The following TTC7A variants were observed in gnomAD, a reference collection of about 807,000 sequenced individuals.
TTC7A encodes tetratricopeptide repeat protein 7A.
A neutral mutation model predicts 103.7 loss-of-function variants in TTC7A; 110 were observed. The ratio of observed to expected loss-of-function variants is 1.06; its 90% CI spans 0.91 to 1.24. The LOEUF is 1.24. Ranked by LOEUF, TTC7A falls within the 50% of genes most tolerant of loss-of-function variation. TTC7A has a pLI of 0.00. For synonymous variants in TTC7A, 521 were observed against 467.9 expected (o/e 1.11, Z -1.47); for missense variants, 1,340 against 1,116.3 (o/e 1.20, Z -2.86).
chr2:47,047,242 T>G lies in TTC7A; in HGVS notation c.1919+811T>G. 3 of 1,464,702 alleles carry G rather than the reference T, an allele frequency of 2.0e-6. No homozygotes were observed. In the South Asian group the frequency reaches 3.7e-5, roughly 18 times the overall value. The allele number at this position is 1,464,702 out of a possible 1,614,324, so 90.7% of individuals were successfully genotyped here. A position where few individuals can be genotyped will look rare whatever the true frequency, so the allele number is the denominator to read the frequency against. Reference sequence around the variant, plus strand: ...CCTGAGGCCTCAGGGGACCCCAGTCTGGTGTATATTTGTGTTTTCACAGAG... The same window carrying G: ...CCTGAGGCCTCAGGGGACCCCAGTCGGGTGTATATTTGTGTTTTCACAGAG... On this transcript the variant is annotated intron_variant, in intron 16 of 19. Transcript: ENST00000319190.
At chr2:47,021,541 A>T (rs1679270238) in intron 11 of TTC7A, among the ~76,000 whole-genome samples, 1 of 152,178 alleles carries the variant, frequency 6.6e-6, no homozygotes. Flanking sequence ...CATGTTCCTG[A>T]GGCCCAGCCA....
chr2:46,974,277 G>A (rs1190917679), intron 3 of TTC7A, among the ~76,000 whole-genome samples: 1 of 152,292 alleles, frequency 6.6e-6, no homozygotes, highest in African/African-American at 2.4e-5. Context: ...TACTTGGCAT[G>A]AATGCCATGC....
Position 47,005,921 on chromosome 2 carries a change from G to T in TTC7A, c.1066-1G>T. 1 of 1,614,084 alleles carries T rather than the reference G, an allele frequency of 6.2e-7. No homozygotes were observed. Among genetic ancestry groups the T allele is most frequent in the South Asian group, 1.1e-5 (1 of 91,072 alleles). On this transcript the variant is annotated splice_acceptor_variant, in intron 8 of 19. Coordinates refer to ENST00000319190, the MANE Select transcript of TTC7A (RefSeq NM_020458.4). LOFTEE classifies it high-confidence loss of function. ...TTTCCCAAACAATGTCCCACCCACA[G>T]GCAACTCGAGATGTGGTGCTGAGCC...
Position 47,023,558 on chromosome 2 carries a change from A to G in TTC7A, c.1568+93A>G, listed in dbSNP as rs192980968. ...CATCAGACCCTCTGATGTGGGCAGA[A>G]CAAACATTTCTATCTCCATTTTACA... On this transcript the variant is annotated intron_variant, in intron 13 of 19. Transcript: ENST00000319190. The G allele has an allele frequency of 5.4e-5, 71 of 1,312,260 alleles. 1 individual carries two copies. Among genetic ancestry groups the G allele is most frequent in the Non-Finnish European group, 1.4e-5 (13 of 914,198 alleles). The allele number at this position is 1,312,260 out of a possible 1,614,324, so 81.3% of individuals were successfully genotyped here.
chr2:47,049,395 C>T (rs950155288), intron 16 of TTC7A, among the ~76,000 whole-genome samples: 10 of 151,924 alleles, frequency 6.6e-5, no homozygotes, highest in African/African-American at 2.2e-4. Context: ...AAATTGGGGA[C>T]AAGGGTTGGG....
At chr2:47,030,142 T>C (rs1680375076) in intron 15 of TTC7A, among the ~76,000 whole-genome samples, 1 of 152,234 alleles carries the variant, frequency 6.6e-6, no homozygotes, top group Non-Finnish European at 1.5e-5. Context: ...AGTAACCCAC[T>C]TCCCCCTGTT....
At chr2:46,966,660 C>CTT (rs759580571) in intron 3 of TTC7A, among the ~76,000 whole-genome samples, 5 of 135,314 alleles carry the variant, frequency 3.7e-5, no homozygotes, top group African/African-American at 2.7e-5. Context: ...GTATACATCA[C>CTT]TTTTTTTTTT....
intron 8 of TTC7A, chr2:46,999,662 A>G (rs564913620): frequency 2.0e-6 from 2 of 985,406 alleles, no homozygotes; most frequent in Non-Finnish European, 2.4e-6. Flanking sequence ...TCAAACGTAA[A>G]TTCTTGTTTT....
At chr2:46,958,718 G>T (rs755903810) in intron 3 of TTC7A, among the ~76,000 whole-genome samples, 2 of 152,214 alleles carry the variant, frequency 1.3e-5, no homozygotes, top group African/African-American at 2.4e-5. Context: ...GCTGAGGTTT[G>T]CCTGACCCTG....
intron 18 of TTC7A, among the ~76,000 whole-genome samples, chr2:47,059,507 C>T (rs1424421041): frequency 6.6e-6 from 1 of 152,116 alleles, no homozygotes; most frequent in Non-Finnish European, 1.5e-5. Context: ...TGAGCTGCTT[C>T]TCCCTCATCC....
chr2:46,978,150 G>C (rs1382251317), intron 4 of TTC7A: 1 of 152,440 alleles, frequency 6.6e-6, no homozygotes, highest in Non-Finnish European at 1.5e-5. Flanking sequence ...TGCGTGAAGC[G>C]GTCTCTCTAC....
chr2:46,951,725 T>A (rs746502991), intron 2 of TTC7A: 134 of 452,856 alleles, frequency 3.0e-4, no homozygotes, highest in Non-Finnish European at 4.4e-5. Flanking sequence ...TTTAAAGAGC[T>A]ATTCCAAAGT....
rs1682897717 is a variant in TTC7A at position 47,051,963 on chromosome 2, G to A, written c.2152+83G>A. 20 of 1,483,100 alleles carry A rather than the reference G, an allele frequency of 1.3e-5. No homozygotes were observed. The South Asian group carries it at 2.4e-4, about 18-fold the overall frequency. The allele number at this position is 1,483,100 out of a possible 1,614,324, so 91.9% of individuals were successfully genotyped here. On this transcript the variant is annotated intron_variant, in intron 18 of 19. Transcript: ENST00000319190. ...AGAGCCCTGTCCTGGAGAAGGGAGTGTGGGGAGGTGGGGACACCTTGCTAG... is the reference window on the plus strand; with the variant it reads ...AGAGCCCTGTCCTGGAGAAGGGAGTATGGGGAGGTGGGGACACCTTGCTAG...
intron 16 of TTC7A, among the ~76,000 whole-genome samples, chr2:47,049,616 C>A (rs1422413756): frequency 6.6e-6 from 1 of 152,076 alleles, no homozygotes; most frequent in African/African-American, 2.4e-5. Context: ...TCCACAGTCC[C>A]CACTCTCTGC....
intron 19 of TTC7A, among the ~76,000 whole-genome samples, chr2:47,064,892 G>GT (rs1684063606): frequency 6.6e-6 from 1 of 152,170 alleles, no homozygotes; most frequent in African/African-American, 2.4e-5. Flanking sequence ...TGGGACCTTG[G>GT]TAACAGGAGA....
intron 11 of TTC7A, among the ~76,000 whole-genome samples, chr2:47,021,614 C>G (rs1363476376): frequency 1.3e-5 from 2 of 152,234 alleles, no homozygotes; most frequent in Non-Finnish European, 2.9e-5. Context: ...GGCACAGACA[C>G]AGGCCCCTAC....
rs1675955450 is a variant in TTC7A, at chr2:46,994,476, T to C, written c.963T>C (p.Thr321=). 1 of 1,614,056 alleles carries C rather than the reference T, an allele frequency of 6.2e-7. No homozygotes were observed. The highest frequency in any genetic ancestry group is 8.5e-7 in the Non-Finnish European group (1 of 1,179,972). Residue 321 remains threonine (T), a synonymous_variant, in exon 7 of 20, where the codon ACT becomes ACC. Transcript: ENST00000319190. ...FMGKEESSFA[T]QALRKPHLYE... is the part of the protein sequence containing the mutation. ...GCAAGGAGGAGAGTTCTTTCGCCAC[T>C]CAGGCCCTGCGGAAACCTCACCTCT...
chr2:47,008,824 G>A (rs1319493717), intron 10 of TTC7A, among the ~76,000 whole-genome samples: 2 of 151,896 alleles, frequency 1.3e-5, no homozygotes, highest in Non-Finnish European at 2.9e-5. Context: ...GATGAGTTCC[G>A]TGACATGATT....
chr2:46,972,345 C>A (rs11680029), intron 3 of TTC7A, among the ~76,000 whole-genome samples: 81,964 of 152,006 alleles, frequency 0.54, 23,502 homozygotes, highest in East Asian at 0.66. Context: ...TGAAGCTTTT[C>A]TTAAATAAAA....
Sources: allele counts gnomAD v4.1 joint callset (sites outside exome capture counted in the v4.1 genomes callset), GRCh38; gene constraint gnomAD v4.1.1; transcripts MANE v1.5; gene names NCBI Gene and HGNC (gene_info 2026-07-23, HGNC 2026-07-21).